Variants in SRGAP3 observed in about 807,000 individuals in gnomAD.
The protein encoded by SRGAP3 is SLIT-ROBO Rho GTPase-activating protein 3.
A neutral mutation model predicts 121.1 loss-of-function variants in SRGAP3; 39 were observed. That is an observed-to-expected ratio of 0.32 (90% CI 0.25 to 0.42). SRGAP3 has a LOEUF of 0.42. Among genes scored for constraint, SRGAP3 ranks in the 10% least tolerant of loss-of-function variants. The pLI, the probability that SRGAP3 is intolerant of heterozygous loss-of-function variation, is 1.00. For missense variants in SRGAP3, 1,213 were observed against 1,470.6 expected (o/e 0.82, Z 2.86); for synonymous variants, 601 against 570.0 (o/e 1.05, Z -0.77).
intron 1 of SRGAP3, among the ~76,000 whole-genome samples, chr3:9,231,209 C>T (rs890580991): frequency 6.6e-6 from 1 of 152,190 alleles, no homozygotes; most frequent in Non-Finnish European, 1.5e-5. Flanking sequence ...AGGCTTCTTC[C>T]ACAGCTCTGA....
intron 1 of SRGAP3, among the ~76,000 whole-genome samples, chr3:9,149,192 T>C (rs9815361): frequency 0.17 from 23,194 of 136,924 alleles, 2,120 homozygotes; most frequent in African/African-American, 0.26. Flanking sequence ...CCAGCCCAGG[T>C]GACAGTGCAA....
At chr3:9,202,247 G>A (rs987049662) in intron 1 of SRGAP3, among the ~76,000 whole-genome samples, 1 of 152,322 alleles carries the variant, frequency 6.6e-6, no homozygotes, top group Admixed American at 6.5e-5. Context: ...CCTTGAGGCA[G>A]TTGGACTGGG....
At chr3:9,237,489 C>T (rs1011849391) in intron 1 of SRGAP3, among the ~76,000 whole-genome samples, 1 of 152,220 alleles carries the variant, frequency 6.6e-6, no homozygotes, top group Non-Finnish European at 1.5e-5. Flanking sequence ...TAGTGCTCTG[C>T]TAAGAATTCA....
chr3:9,138,456 C>T (rs187849266), intron 1 of SRGAP3, among the ~76,000 whole-genome samples: 29 of 152,048 alleles, frequency 1.9e-4, no homozygotes, highest in Non-Finnish European at 3.7e-4. Flanking sequence ...CATGCTAGCA[C>T]CTAAGAGCAA....
chr3:9,150,661 A>G (rs1451986894), intron 1 of SRGAP3, among the ~76,000 whole-genome samples: 1 of 152,180 alleles, frequency 6.6e-6, no homozygotes, highest in Non-Finnish European at 1.5e-5. Context: ...TGAGACAGGA[A>G]TTGAAGGTTT....
At chr3:9,056,169 G>A in intron 8 of SRGAP3, 64 bp downstream of exon 8, 2 of 1,495,762 alleles carry the variant, frequency 1.3e-6, no homozygotes, top group Non-Finnish European at 1.9e-6. Flanking sequence ...GGCACAAGTG[G>A]ACTCCCTGGG....
intron 3 of SRGAP3, among the ~76,000 whole-genome samples, chr3:9,287,718 T>C (rs551140450): frequency 6.6e-6 from 1 of 152,342 alleles, no homozygotes; most frequent in African/African-American, 2.4e-5. Context: ...ACAATACATA[T>C]ATGCAAGAAA....
chr3:9,091,377 TCAA>T lies in SRGAP3; in HGVS notation c.424-11293_424-11291del, dbSNP rs559137871. Among the ~76,000 whole-genome samples, 398 of 151,968 alleles carry T rather than the reference TCAA, an allele frequency of 2.6e-3. 1 individual carries two copies. The highest frequency in any genetic ancestry group is 3.8e-3 in the Non-Finnish European group (259 of 67,946). On this transcript the variant is annotated intron_variant, in intron 3 of 21. Coordinates refer to ENST00000383836, the MANE Select transcript of SRGAP3 (RefSeq NM_014850.4). ...AACAACAACAGGAAACAAATACAAC[TCAA>T]CAACAACAACAACAACAACAAAATC...
chr3:9,108,266 G>A (rs533182742), intron 2 of SRGAP3, among the ~76,000 whole-genome samples: 13 of 152,206 alleles, frequency 8.5e-5, no homozygotes, highest in African/African-American at 2.4e-4. Context: ...TGGGGGTAGC[G>A]CGTGGTACTC....
chr3:9,339,174 C>T (rs929961623), intron 1 of SRGAP3, among the ~76,000 whole-genome samples: 2 of 152,120 alleles, frequency 1.3e-5, no homozygotes, highest in Admixed American at 6.5e-5. Context: ...ACTTAACTGC[C>T]CTGGGCCTTG....
chr3:8,983,866 C>T lies in SRGAP3; in HGVS notation c.*1653G>A, dbSNP rs1574842211. On this transcript the variant is annotated 3_prime_UTR_variant, in exon 22 of 22. Coordinates refer to ENST00000383836, the MANE Select transcript of SRGAP3 (RefSeq NM_014850.4). Reference sequence around the variant, plus strand: ...TAAGTGCTCAGGGCTGGGACTCAGACTCTGGGCCTTTTGACTCCAAACTTC... The same window carrying T: ...TAAGTGCTCAGGGCTGGGACTCAGATTCTGGGCCTTTTGACTCCAAACTTC... 1 of 229,762 alleles carries T rather than the reference C, an allele frequency of 4.4e-6. No individual in the cohort carries two copies. The highest frequency in any genetic ancestry group is 1.8e-4 in the South Asian group (1 of 5,506). The allele number at this position is 229,762 out of a possible 1,614,324, so 14.2% of individuals were successfully genotyped here.
chr3:9,275,508 C>G (rs779399780), intron 3 of SRGAP3, among the ~76,000 whole-genome samples: 5 of 152,154 alleles, frequency 3.3e-5, no homozygotes, highest in Non-Finnish European at 5.9e-5. Context: ...CAAATCTCAC[C>G]TTGAATTGTA....
At chr3:9,175,945 G>T (rs1951163423) in intron 1 of SRGAP3, among the ~76,000 whole-genome samples, 1 of 151,706 alleles carries the variant, frequency 6.6e-6, no homozygotes, top group Non-Finnish European at 1.5e-5. Context: ...CTTTTGATAT[G>T]GAGCCTCACT....
At chr3:9,034,457 C>G (rs1397559531) in intron 11 of SRGAP3, 2 of 152,226 alleles carry the variant, frequency 1.3e-5, no homozygotes, top group African/African-American at 4.8e-5. Flanking sequence ...GCTTGTGGTA[C>G]CTGTCTCCTT....
chr3:8,991,736 G>GGGGAGA (rs923696723), intron 20 of SRGAP3, among the ~76,000 whole-genome samples: 20 of 152,302 alleles, frequency 1.3e-4, no homozygotes, highest in African/African-American at 4.6e-4. Flanking sequence ...GAAGTGGTGA[G>GGGGAGA]GGGAGAGGGA....
At chr3:9,322,116 A>T (rs1047454219) in intron 3 of SRGAP3, among the ~76,000 whole-genome samples, 1 of 151,776 alleles carries the variant, frequency 6.6e-6, no homozygotes, top group Non-Finnish European at 1.5e-5. Flanking sequence ...ATGGAAACTT[A>T]GGCTACTCAT....
chr3:9,231,538 T>C (rs1270788786), intron 1 of SRGAP3, among the ~76,000 whole-genome samples: 1 of 152,264 alleles, frequency 6.6e-6, no homozygotes, highest in Non-Finnish European at 1.5e-5. Context: ...ACTATCTTAA[T>C]ATTTTTATAG....
chr3:9,152,719 G>A (rs2675183), intron 1 of SRGAP3, among the ~76,000 whole-genome samples: 114,471 of 152,138 alleles, frequency 0.75, 43,243 homozygotes, highest in African/African-American at 0.81. Context: ...TCTGTGATGG[G>A]CCACCAGATT....
rs192229723 is a variant in SRGAP3 at position 9,192,242 on chromosome 3, C to T, written c.67+56643G>A. Among the ~76,000 whole-genome samples the T allele has an allele frequency of 2.0e-4, 31 of 152,324 alleles. No homozygotes were observed. In the East Asian group the frequency reaches 5.6e-3, roughly 27 times the overall value. ...ACCTCTGAGCCCTTGGAATATCGTG[C>T]CTGATGGAATAGAGTATCTTTGTAT... On this transcript the variant is annotated intron_variant, in intron 1 of 21. Transcript: ENST00000383836.
Sources: allele counts gnomAD v4.1 joint callset (sites outside exome capture counted in the v4.1 genomes callset), GRCh38; gene constraint gnomAD v4.1.1; transcripts MANE v1.5; gene names NCBI Gene and HGNC (gene_info 2026-07-23, HGNC 2026-07-21).